The following SDK1 variants were observed in gnomAD, a reference collection of about 807,000 sequenced individuals.
SDK1 encodes protein sidekick-1.
SDK1 carries 157 observed loss-of-function variants against 245.5 expected under a neutral mutation model. That is an observed-to-expected ratio of 0.64 (90% CI 0.56 to 0.73). The LOEUF (loss-of-function observed/expected upper bound fraction) is 0.73. Among genes scored for constraint, SDK1 ranks in the 30% least tolerant of loss-of-function variants. SDK1 has a pLI of 0.00. For synonymous variants in SDK1, 1,647 were observed against 1,278.5 expected (o/e 1.29, Z -6.15); for missense variants, 3,583 against 3,002.3 (o/e 1.19, Z -4.52).
intron 5 of SDK1, among the ~76,000 whole-genome samples, chr7:3,925,785 C>T (rs532497990): frequency 5.3e-5 from 8 of 152,268 alleles, no homozygotes; most frequent in Admixed American, 3.3e-4. Flanking sequence ...GTGCTCCAGC[C>T]GGCTGAGAAG....
chr7:3,786,558 T>C (rs1463939780), intron 4 of SDK1, among the ~76,000 whole-genome samples: 1 of 152,186 alleles, frequency 6.6e-6, no homozygotes, highest in East Asian at 1.9e-4. Context: ...CAGACAAAAA[T>C]GCAAAGAACA....
intron 2 of SDK1, among the ~76,000 whole-genome samples, chr7:3,633,430 G>T (rs988894262): frequency 2.0e-5 from 3 of 152,060 alleles, no homozygotes; most frequent in African/African-American, 7.2e-5. Flanking sequence ...TGCTTGGAAA[G>T]GACTGCTGAA....
At chr7:3,305,359 G>T (rs1171181168) in intron 1 of SDK1, among the ~76,000 whole-genome samples, 1 of 152,030 alleles carries the variant, frequency 6.6e-6, no homozygotes, top group Non-Finnish European at 1.5e-5. Flanking sequence ...TCCTCGTGTT[G>T]GTTAATCCCA....
chr7:3,449,137 C>A (rs1254682207), intron 1 of SDK1, among the ~76,000 whole-genome samples: 1 of 152,168 alleles, frequency 6.6e-6, no homozygotes, highest in Non-Finnish European at 1.5e-5. Context: ...CCTTTCTTTA[C>A]AACATAAGCT....
chr7:3,611,055 C>G (rs1418620183), intron 1 of SDK1, among the ~76,000 whole-genome samples: 2 of 152,220 alleles, frequency 1.3e-5, no homozygotes, highest in South Asian at 2.1e-4. Context: ...TTGTAGCTGC[C>G]TTTCATCCTG....
chr7:3,455,381 CTTTT>C, intron 1 of SDK1, among the ~76,000 whole-genome samples: 1 of 140,702 alleles, frequency 7.1e-6, no homozygotes, highest in East Asian at 2.1e-4. Flanking sequence ...ATTTTCTTTC[CTTTT>C]TTTTTTTTTC....
intron 5 of SDK1, among the ~76,000 whole-genome samples, chr7:3,852,940 T>G (rs1780455097): frequency 6.6e-6 from 1 of 151,986 alleles, no homozygotes; most frequent in South Asian, 2.1e-4. Flanking sequence ...GAATGTTACC[T>G]TATGGTCAAA....
chr7:3,842,729 T>C (rs1165929452), intron 5 of SDK1, among the ~76,000 whole-genome samples: 1 of 151,826 alleles, frequency 6.6e-6, no homozygotes, highest in Non-Finnish European at 1.5e-5. Flanking sequence ...TGGCTAAGAG[T>C]GGGAGGGTTG....
intron 1 of SDK1, among the ~76,000 whole-genome samples, chr7:3,403,668 T>A (rs1449137796): frequency 6.6e-6 from 1 of 151,206 alleles, no homozygotes; most frequent in African/African-American, 2.4e-5. Context: ...CTTTTTGATG[T>A]AAAATGGTAC....
chr7:3,302,392 G>C (rs1262588771), intron 1 of SDK1: 2 of 151,798 alleles, frequency 1.3e-5, no homozygotes, highest in East Asian at 1.9e-4. Context: ...CCCAAAGCCC[G>C]ACCCCAAGTG....
chr7:3,962,923 T>G (rs1781815033), intron 9 of SDK1, 72 bp downstream of exon 9: 3 of 713,192 alleles, frequency 4.2e-6, no homozygotes, highest in Admixed American at 3.9e-5. Flanking sequence ...CATGGCTACC[T>G]GGATGTAACC....
At chr7:3,502,715 G>A (rs1456886830) in intron 1 of SDK1, among the ~76,000 whole-genome samples, 1 of 152,082 alleles carries the variant, frequency 6.6e-6, no homozygotes, top group Non-Finnish European at 1.5e-5. Flanking sequence ...TGTTATTGGG[G>A]TACCGTTTGG....
chr7:3,933,474 A>G (rs1000734609), intron 5 of SDK1, among the ~76,000 whole-genome samples: 1 of 152,136 alleles, frequency 6.6e-6, no homozygotes, highest in Admixed American at 6.5e-5. Context: ...AATGAACGCT[A>G]TCAAAGGATG....
intron 44 of SDK1, among the ~76,000 whole-genome samples, chr7:4,264,350 AGGAGGCCGTGTAGATCTCTCCTGAGTGAG>A (rs1562494604): frequency 1.8e-5 from 2 of 113,256 alleles, no homozygotes; most frequent in East Asian, 3.4e-4. Flanking sequence ...CTCCTGAGTG[AGGAGGCCGTGTAGATCTCTCCTGAGTGAG>A]GGAGGCCGTG....
chr7:3,423,144 A>G (rs1395369088), intron 1 of SDK1, among the ~76,000 whole-genome samples: 1 of 152,230 alleles, frequency 6.6e-6, no homozygotes, highest in African/African-American at 2.4e-5. Flanking sequence ...TAAAGAGAAA[A>G]TAAATTGGTT....
At chr7:4,099,351 C>G (rs1328766348) in intron 22 of SDK1, among the ~76,000 whole-genome samples, 2 of 146,546 alleles carry the variant, frequency 1.4e-5, no homozygotes. Flanking sequence ...GGGCCATGTG[C>G]AGAAGCACCG....
intron 17 of SDK1, among the ~76,000 whole-genome samples, chr7:4,036,509 A>G (rs879498307): frequency 1.3e-5 from 2 of 152,232 alleles, no homozygotes; most frequent in Non-Finnish European, 2.9e-5. Flanking sequence ...TACATCTCAC[A>G]GTTTTTAACA....
intron 5 of SDK1, among the ~76,000 whole-genome samples, chr7:3,844,668 C>A (rs1018010447): frequency 1.3e-5 from 2 of 152,168 alleles, no homozygotes; most frequent in African/African-American, 2.4e-5. Context: ...AGAAAAATCC[C>A]ATTTAAAAAG....
chr7:3,429,599 CTA>C (rs1020409751), intron 1 of SDK1, among the ~76,000 whole-genome samples: 19 of 141,964 alleles, frequency 1.3e-4, no homozygotes, highest in Admixed American at 3.4e-4. Flanking sequence ...CTGCAAAAGC[CTA>C]TTTTTTTTTT....
Sources: gnomAD v4.1 joint callset for allele counts (sites outside exome capture counted in the v4.1 genomes callset) on GRCh38, gnomAD v4.1.1 for gene constraint, MANE v1.5 for transcripts, NCBI Gene and HGNC (gene_info 2026-07-23, HGNC 2026-07-21) for gene names.